CPM: variants seen among roughly 807,000 people sequenced by gnomAD.
CPM encodes the protein renal carboxypeptidase.
A neutral mutation model predicts 46.4 loss-of-function variants in CPM; 35 were observed. That is an observed-to-expected ratio of 0.75 (90% confidence interval 0.58 to 1.00). The LOEUF is 1.00. CPM is among the 50% of genes least tolerant of loss of function. The probability of loss-of-function intolerance (pLI) is 0.00; values close to 1 mark genes in which losing one functional copy is unlikely to be tolerated. For synonymous variants in CPM, 195 were observed against 195.3 expected, an observed-to-expected ratio of 1.00 and a Z score of 0.01; for missense variants, 422 against 530.4, an observed-to-expected ratio of 0.80 and a Z score of 2.01.
chr12:68,860,684 A>G (rs1288111564), intron 7 of CPM, among the ~76,000 whole-genome samples: 3 of 152,082 alleles, frequency 2.0e-5, no homozygotes, highest in Non-Finnish European at 4.4e-5. Flanking sequence ...ACCCATCATC[A>G]TAGCTTGGTG....
intron 2 of CPM, among the ~76,000 whole-genome samples, chr12:68,929,193 C>T (rs745685824): frequency 6.6e-6 from 1 of 152,050 alleles, no homozygotes; most frequent in Non-Finnish European, 1.5e-5. Flanking sequence ...GGAGAGACTA[C>T]CCTGAGAAAT....
intron 1 of CPM, among the ~76,000 whole-genome samples, chr12:68,951,979 C>T (rs998308645): frequency 3.3e-5 from 5 of 152,082 alleles, no homozygotes; most frequent in Non-Finnish European, 5.9e-5. Context: ...AGCTGCAATC[C>T]GTGTGTGGGT....
intron 1 of CPM, among the ~76,000 whole-genome samples, chr12:68,944,137 A>G (rs956176495): frequency 6.6e-6 from 1 of 152,254 alleles, no homozygotes; most frequent in Non-Finnish European, 1.5e-5. Context: ...TACTCAGACA[A>G]TAGCCAAACA....
upstream of CPM, among the ~76,000 whole-genome samples, chr12:68,937,785 T>A (rs1159794042): frequency 6.6e-6 from 1 of 152,240 alleles, no homozygotes; most frequent in African/African-American, 2.4e-5. Context: ...TTTCTGTATT[T>A]TCTGAAAAGT....
intron 1 of CPM, among the ~76,000 whole-genome samples, chr12:68,962,134 A>G (rs917153868): frequency 6.6e-6 from 1 of 150,636 alleles, no homozygotes; most frequent in African/African-American, 2.5e-5. Flanking sequence ...TGGGAGGCGG[A>G]GCTTGCAGTG....
At chr12:68,905,241 T>C (rs1403409335) in intron 2 of CPM, among the ~76,000 whole-genome samples, 1 of 152,026 alleles carries the variant, frequency 6.6e-6, no homozygotes. Context: ...ACATCTCTCA[T>C]GATACGCATG....
At chr12:68,957,960 T>G (rs1889051661) in intron 1 of CPM, among the ~76,000 whole-genome samples, 1 of 151,956 alleles carries the variant, frequency 6.6e-6, no homozygotes, top group Non-Finnish European at 1.5e-5. Context: ...TCTGTCCTTG[T>G]GATAGTTTGC....
At chr12:68,957,450 A>G in intron 1 of CPM, 1 of 267,376 alleles carries the variant, frequency 3.7e-6, no homozygotes, top group Non-Finnish European at 7.6e-6. Context: ...CTGTCTTAAG[A>G]ATGTGCTGGC....
intron 1 of CPM, among the ~76,000 whole-genome samples, chr12:68,942,037 T>C (rs139167673): frequency 6.6e-6 from 1 of 152,214 alleles, no homozygotes; most frequent in Non-Finnish European, 1.5e-5. Flanking sequence ...ATTGAAAGAA[T>C]ATGTCTCAAC....
intron 1 of CPM, among the ~76,000 whole-genome samples, chr12:68,956,608 C>T (rs746619243): frequency 1.3e-5 from 2 of 152,042 alleles, no homozygotes; most frequent in East Asian, 1.9e-4. Flanking sequence ...ACCCATTGGC[C>T]GAAGGACCTG....
At chr12:68,934,132 C>T (rs1888623246), upstream of CPM, among the ~76,000 whole-genome samples, 1 of 152,090 alleles carries the variant, frequency 6.6e-6, no homozygotes, top group Non-Finnish European at 1.5e-5. Flanking sequence ...CCCTCTCTCC[C>T]CCTTTCTCCC....
chr12:68,873,302 T>G (rs139707036), intron 3 of CPM, among the ~76,000 whole-genome samples: 4 of 152,356 alleles, frequency 2.6e-5, no homozygotes, highest in African/African-American at 9.6e-5. Flanking sequence ...ACTTCTCACT[T>G]GATTCCCTCA....
chr12:68,861,771 G>A (rs530417033), intron 7 of CPM, among the ~76,000 whole-genome samples: 3 of 151,106 alleles, frequency 2.0e-5, no homozygotes, highest in African/African-American at 4.9e-5. Context: ...CAAATGATCC[G>A]CCCGCCTCAG....
chr12:68,954,542 C>T (rs76190465), intron 1 of CPM, among the ~76,000 whole-genome samples: 1,574 of 152,190 alleles, frequency 0.01, 19 homozygotes, highest in Admixed American at 0.035. Flanking sequence ...TGGCTCTTTG[C>T]CTTCTCTGTG....
chr12:68,940,312 A>G (rs1414351881), intron 1 of CPM, among the ~76,000 whole-genome samples: 1 of 151,958 alleles, frequency 6.6e-6, no homozygotes, highest in Non-Finnish European at 1.5e-5. Context: ...CATTATTATT[A>G]ACTAAATCTA....
At chr12:68,946,547 TA>T (rs1374350626) in intron 1 of CPM, among the ~76,000 whole-genome samples, 1 of 152,230 alleles carries the variant, frequency 6.6e-6, no homozygotes, top group Non-Finnish European at 1.5e-5. Context: ...GGGACATTTT[TA>T]CTTACCACAG....
intron 3 of CPM, among the ~76,000 whole-genome samples, chr12:68,878,529 A>G (rs147849343): frequency 2.8e-4 from 42 of 152,270 alleles, no homozygotes; most frequent in African/African-American, 1.0e-3. Flanking sequence ...GACTCAGCAC[A>G]AGAGGACAGC....
chr12:68,927,938 A>G (rs1888337135), intron 2 of CPM, among the ~76,000 whole-genome samples: 1 of 152,200 alleles, frequency 6.6e-6, no homozygotes. Context: ...GAAAATGGCC[A>G]TACTGCCCAA....
chr12:68,906,982 C>T (rs1887378171), intron 2 of CPM, among the ~76,000 whole-genome samples: 2 of 152,170 alleles, frequency 1.3e-5, no homozygotes, highest in Admixed American at 6.5e-5. Flanking sequence ...AGAGCTAATC[C>T]CTGCATGAAC....
Sources: gnomAD v4.1 joint callset for allele counts (sites outside exome capture counted in the v4.1 genomes callset) on GRCh38, gnomAD v4.1.1 for gene constraint, MANE v1.5 for transcripts, NCBI Gene and HGNC (gene_info 2026-07-23, HGNC 2026-07-21) for gene names.